INTS7: variants seen among roughly 807,000 people sequenced by gnomAD.
INTS7 encodes integrator complex subunit 7.
In INTS7, 46 loss-of-function variants were observed where a neutral mutation model predicts 109.2. That is an observed-to-expected ratio of 0.42 (90% CI 0.33 to 0.54). The LOEUF (loss-of-function observed/expected upper bound fraction) is 0.54. Ranked by LOEUF, INTS7 falls within the 20% of genes least tolerant of loss-of-function variation. The pLI is 0.07. For missense variants in INTS7, 929 were observed against 1,132.4 expected, an observed-to-expected ratio of 0.82 and a Z score of 2.58; for synonymous variants, 412 against 402.9, an observed-to-expected ratio of 1.02 and a Z score of -0.27.
chr1:212,021,995 T>C (rs1666732199), intron 1 of INTS7, among the ~76,000 whole-genome samples: 1 of 152,138 alleles, frequency 6.6e-6, no homozygotes, highest in East Asian at 1.9e-4. Context: ...ACATTGAAGG[T>C]TTATATCAAG....
At chr1:211,990,028 T>C (rs959961799) in intron 7 of INTS7, among the ~76,000 whole-genome samples, 4 of 152,140 alleles carry the variant, frequency 2.6e-5, no homozygotes, top group Admixed American at 6.5e-5. Flanking sequence ...TATGGGGAAA[T>C]AGGTGCTCTC....
At chr1:211,973,372 A>C (rs187213440) in intron 13 of INTS7, among the ~76,000 whole-genome samples, 47 of 152,380 alleles carry the variant, frequency 3.1e-4, no homozygotes, top group African/African-American at 8.9e-4. Flanking sequence ...TATAATTTTT[A>C]TTCCTAAGAA....
At position 212,020,127 on chromosome 1, in the gene INTS7, G is replaced by A. The variant is rs1356188614; in HGVS notation, c.366C>T (p.Thr122=). Residue 122 remains threonine, a synonymous_variant, in exon 3 of 20, where the codon ACC becomes ACT. Transcript: ENST00000366994. ...HSNDPVARAI[T]LRMLGSLASI... ...TATTATAATACGGTATATACCGGAG[G>A]GTGATGGCTCTTGCCACAGGATCAT... 9 of 1,596,608 alleles carry A rather than the reference G, an allele frequency of 5.6e-6. No individual in the cohort carries two copies. The highest frequency in any genetic ancestry group is 7.7e-6 in the Non-Finnish European group (9 of 1,171,136).
chr1:212,016,105 T>C (rs1666429864), intron 4 of INTS7, among the ~76,000 whole-genome samples: 1 of 152,198 alleles, frequency 6.6e-6, no homozygotes, highest in South Asian at 2.1e-4. Flanking sequence ...CTAAGCTCAA[T>C]GGAAGAAATT....
At chr1:212,001,886 C>A (rs1665685732) in intron 7 of INTS7, among the ~76,000 whole-genome samples, 1 of 152,202 alleles carries the variant, frequency 6.6e-6, no homozygotes, top group South Asian at 2.1e-4. Flanking sequence ...TCTTCTCTAG[C>A]CATATTGTCT....
At chr1:211,971,915 C>CAAAAAAAAAAAAAAAAAAAAAAAAAAA (rs745814699) in intron 13 of INTS7, among the ~76,000 whole-genome samples, 1 of 79,820 alleles carries the variant, frequency 1.3e-5, no homozygotes, top group African/African-American at 4.9e-5. Flanking sequence ...AACTCAGTCT[C>CAAAAAAAAAAAAAAAAAAAAAAAAAAA]AAAAAAAAAA....
At chr1:211,979,860 G>A (rs532903474) in intron 10 of INTS7, among the ~76,000 whole-genome samples, 181 of 152,254 alleles carry the variant, frequency 1.2e-3, no homozygotes, top group Non-Finnish European at 1.7e-3. Context: ...CTTGGTTAAA[G>A]TTAATCACTC....
intron 7 of INTS7, among the ~76,000 whole-genome samples, chr1:212,004,979 A>G (rs761098266): frequency 2.0e-5 from 3 of 152,238 alleles, no homozygotes; most frequent in Non-Finnish European, 4.4e-5. Flanking sequence ...ACAGTTTGAC[A>G]TCATCTGTTA....
intron 7 of INTS7, among the ~76,000 whole-genome samples, chr1:211,999,878 G>A (rs1440692238): frequency 6.6e-6 from 1 of 151,984 alleles, no homozygotes; most frequent in Non-Finnish European, 1.5e-5. Context: ...GCCGAGGCAC[G>A]TGGATCACCT....
intron 16 of INTS7, among the ~76,000 whole-genome samples, chr1:211,960,075 T>C (rs923663820): frequency 6.6e-6 from 1 of 152,166 alleles, no homozygotes; most frequent in Admixed American, 6.5e-5. Flanking sequence ...TAGTAACCAG[T>C]GGCCCTGGAG....
intron 5 of INTS7, among the ~76,000 whole-genome samples, chr1:212,008,179 C>A (rs1666018948): frequency 6.6e-6 from 1 of 152,128 alleles, no homozygotes; most frequent in Non-Finnish European, 1.5e-5. Context: ...CCAACAGTTG[C>A]CTACGTCAAT....
intron 1 of INTS7, among the ~76,000 whole-genome samples, chr1:212,025,248 G>A (rs1438227567): frequency 6.6e-6 from 1 of 152,140 alleles, no homozygotes; most frequent in Non-Finnish European, 1.5e-5. Flanking sequence ...TTAACTTACT[G>A]TATCATTCTA....
chr1:211,986,329 G>A (rs1369542952), intron 8 of INTS7, among the ~76,000 whole-genome samples: 1 of 152,168 alleles, frequency 6.6e-6, no homozygotes, highest in Non-Finnish European at 1.5e-5. Context: ...CCTGAGTACA[G>A]TCAAAATGGT....
In INTS7 at chr1:211,940,618, T is replaced by C. The variant is rs1202679335; in HGVS notation, c.*1206A>G. The C allele has an allele frequency of 1.3e-5, 2 of 152,286 alleles. No individual in the cohort carries two copies. The highest frequency in any genetic ancestry group is 1.9e-4 in the East Asian group (1 of 5,176). 9.4% of individuals were successfully genotyped at this position (152,286 alleles called of 1,614,324 possible). ...TACTGTGCTAAGAAAGTCTATTTTA[T>C]CATGGTTTTCAACCAGAATTAAAAT... On this transcript the variant is annotated 3_prime_UTR_variant, in exon 20 of 20. Coordinates refer to ENST00000366994, the MANE Select transcript of INTS7 (RefSeq NM_015434.4).
At chr1:211,944,275 C>T (rs996444239) in intron 19 of INTS7, among the ~76,000 whole-genome samples, 2 of 152,064 alleles carry the variant, frequency 1.3e-5, no homozygotes, top group Admixed American at 6.6e-5. Context: ...AGAGACCTTT[C>T]GTTAGATTAA....
Position 212,035,396 on chromosome 1 carries a change from G to T in INTS7, c.42C>A (p.Gly14=). 1 of 1,614,032 alleles carries T rather than the reference G, an allele frequency of 6.2e-7. No homozygotes were observed. Among genetic ancestry groups the T allele is most frequent in the East Asian group, 2.2e-5 (1 of 44,884 alleles). Residue 14 remains glycine, a synonymous_variant, in exon 1 of 20, where the codon GGC becomes GGA. Coordinates refer to ENST00000366994, the MANE Select transcript of INTS7 (RefSeq NM_015434.4). The part of the protein sequence containing the change: ...NSTKSFLADA[G]YGEQELDANS... ...TGGCATCCAGTTCCTGTTCGCCATA[G>T]CCGGCATCTGCCAGGAAAGACTTAG...
At chr1:211,963,944 GCT>G (rs947655641) in intron 16 of INTS7, among the ~76,000 whole-genome samples, 23 of 152,122 alleles carry the variant, frequency 1.5e-4, no homozygotes, top group African/African-American at 5.1e-4. Flanking sequence ...ACAAAAGGAT[GCT>G]CTCTCTCACC....
chr1:211,997,114 G>A (rs535704873), intron 7 of INTS7, among the ~76,000 whole-genome samples: 151 of 152,034 alleles, frequency 9.9e-4, no homozygotes, highest in Non-Finnish European at 2.0e-3. Context: ...TGGGTCATGG[G>A]TACACCAAAA....
chr1:211,969,023 G>A lies in INTS7; in HGVS notation c.1816-316C>T, dbSNP rs530541701. Among the ~76,000 whole-genome samples, 8 of 152,204 alleles carry A rather than the reference G, an allele frequency of 5.3e-5. No individual in the cohort carries two copies. In the East Asian group the frequency reaches 5.8e-4, roughly 11 times the overall value. ...ATCACGGCCAGGTGCGGTGGCTCACGCCTGTAATCCCAGCACTTCGGGAGG... is the reference window on the plus strand; with the variant it reads ...ATCACGGCCAGGTGCGGTGGCTCACACCTGTAATCCCAGCACTTCGGGAGG... On this transcript the variant is annotated intron_variant, in intron 13 of 19. Coordinates refer to ENST00000366994, the MANE Select transcript of INTS7 (RefSeq NM_015434.4).
Sources: gnomAD v4.1 joint callset for allele counts (sites outside exome capture counted in the v4.1 genomes callset) on GRCh38, gnomAD v4.1.1 for gene constraint, MANE v1.5 for transcripts, NCBI Gene and HGNC (gene_info 2026-07-23, HGNC 2026-07-21) for gene names.